PLCXD3: variants seen among roughly 807,000 people sequenced by gnomAD.
PLCXD3 encodes phosphatidylinositol specific phospholipase C X domain containing 3.
In PLCXD3, 19 loss-of-function variants were observed where a neutral mutation model predicts 25.5. The ratio of observed to expected loss-of-function variants is 0.75; its 90% CI spans 0.52 to 1.09. The LOEUF (loss-of-function observed/expected upper bound fraction) is 1.09. PLCXD3 is among the 50% of genes least tolerant of loss of function. The pLI is 0.00. For missense variants in PLCXD3, 411 were observed against 388.1 expected, an observed-to-expected ratio of 1.06 and a Z score of -0.50; for synonymous variants, 174 against 137.6, an observed-to-expected ratio of 1.26 and a Z score of -1.85.
At chr5:41,411,379 T>C (rs1366085596) in intron 1 of PLCXD3, among the ~76,000 whole-genome samples, 1 of 152,226 alleles carries the variant, frequency 6.6e-6, no homozygotes, top group Admixed American at 6.5e-5. Context: ...AATAGCTGGA[T>C]CTTTTCTTTA....
At chr5:41,461,893 A>G (rs910610128) in intron 1 of PLCXD3, among the ~76,000 whole-genome samples, 1 of 151,934 alleles carries the variant, frequency 6.6e-6, no homozygotes, top group African/African-American at 2.4e-5. Context: ...TGTTTCCATT[A>G]AGAGACTCAA....
chr5:41,407,780 T>C (rs558985938), intron 1 of PLCXD3, among the ~76,000 whole-genome samples: 1 of 152,326 alleles, frequency 6.6e-6, no homozygotes, highest in Middle Eastern at 3.4e-3. Context: ...GAACACTAAG[T>C]TTAATCCTTT....
chr5:41,490,375 A>G (rs1748634901), intron 1 of PLCXD3, among the ~76,000 whole-genome samples: 1 of 152,116 alleles, frequency 6.6e-6, no homozygotes, highest in African/African-American at 2.4e-5. Context: ...ATGTTCATCA[A>G]GGATATTGGT....
At chr5:41,485,288 G>A (rs1182485251) in intron 1 of PLCXD3, among the ~76,000 whole-genome samples, 1 of 152,120 alleles carries the variant, frequency 6.6e-6, no homozygotes, top group Non-Finnish European at 1.5e-5. Context: ...CTGTGTCAAT[G>A]CAGATGTTTG....
rs1267159161 is a variant in PLCXD3, at chr5:41,309,819, T to C, written c.*3798A>G. 6.6e-6 allele frequency: 1 copy of C among 152,194 alleles called. No individual in the cohort carries two copies. The highest frequency in any genetic ancestry group is 1.5e-5 in the Non-Finnish European group (1 of 68,014). 9.4% of individuals were successfully genotyped at this position (152,194 alleles called of 1,614,324 possible). A position where few individuals can be genotyped will look rare whatever the true frequency, so the allele number is the denominator to read the frequency against. The stretch of plus-strand genomic sequence containing the variant: ...GTTCGTGCCAGGCATTTTCTATTTC[T>C]GATGGCCTCACTTTTCATTGGTTTT... On this transcript the variant is annotated 3_prime_UTR_variant, in exon 3 of 3. Coordinates refer to ENST00000377801, the MANE Select transcript of PLCXD3 (RefSeq NM_001005473.3).
chr5:41,382,578 T>G, intron 1 of PLCXD3, 44 bp from the exon 2 acceptor site: 1 of 1,457,722 alleles, frequency 6.9e-7, no homozygotes, highest in Non-Finnish European at 9.2e-7. Context: ...TCCACGTCTT[T>G]GCCCTTCCCA....
intron 1 of PLCXD3, among the ~76,000 whole-genome samples, chr5:41,445,214 G>A (rs2150512645): frequency 6.6e-6 from 1 of 152,338 alleles, no homozygotes; most frequent in Non-Finnish European, 1.5e-5. Context: ...TTCATAACAA[G>A]TCTGGTTTAT....
intron 1 of PLCXD3, among the ~76,000 whole-genome samples, chr5:41,437,194 A>G (rs1264582250): frequency 2.0e-5 from 3 of 152,260 alleles, no homozygotes; most frequent in African/African-American, 4.8e-5. Flanking sequence ...GGAGCTTACA[A>G]TCTAAACACA....
At chr5:41,403,406 T>TTTTTA (rs1746253682) in intron 1 of PLCXD3, among the ~76,000 whole-genome samples, 2 of 30,726 alleles carry the variant, frequency 6.5e-5, no homozygotes, top group Non-Finnish European at 1.7e-4. Context: ...TTGTTGTTTT[T>TTTTTA]TTTTTTTTTT....
intron 1 of PLCXD3, among the ~76,000 whole-genome samples, chr5:41,403,411 T>TTGTTTTTGTTTTTG (rs1580353923): frequency 2.6e-5 from 1 of 38,346 alleles, no homozygotes; most frequent in South Asian, 6.9e-4. Flanking sequence ...GTTTTTTTTT[T>TTGTTTTTGTTTTTG]TTTTTATTAT....
At position 41,310,283 on chromosome 5, in the gene PLCXD3, A is replaced by T. The variant is rs868228023; in HGVS notation, c.*3334T>A. 1 of 152,182 alleles carries T rather than the reference A, an allele frequency of 6.6e-6. No individual in the cohort carries two copies. Among genetic ancestry groups the T allele is most frequent in the Admixed American group, 6.6e-5 (1 of 15,264 alleles). 9.4% of individuals were successfully genotyped at this position (152,182 alleles called of 1,614,324 possible). ...ATATTAGTCCTTGAAAATTACAGAC[A>T]GGAAATCAAACTTAAAAATGATCTC... On this transcript the variant is annotated 3_prime_UTR_variant, in exon 3 of 3. Transcript: ENST00000377801.
intron 2 of PLCXD3, among the ~76,000 whole-genome samples, chr5:41,325,331 A>G (rs1016769802): frequency 1.3e-5 from 2 of 152,194 alleles, no homozygotes; most frequent in African/African-American, 2.4e-5. Context: ...TCAAATACTC[A>G]GACAGTCTCA....
chr5:41,481,361 C>CTA (rs1434857674), intron 1 of PLCXD3, among the ~76,000 whole-genome samples: 3 of 152,166 alleles, frequency 2.0e-5, no homozygotes, highest in Non-Finnish European at 4.4e-5. Context: ...GAACATAATG[C>CTA]TATAATACAT....
chr5:41,324,683 C>A (rs1203225717), intron 2 of PLCXD3, among the ~76,000 whole-genome samples: 1 of 152,146 alleles, frequency 6.6e-6, no homozygotes, highest in African/African-American at 2.4e-5. Flanking sequence ...CTGGTTGAAC[C>A]CACAACTTTC....
intron 2 of PLCXD3, among the ~76,000 whole-genome samples, chr5:41,374,194 C>A (rs1365129028): frequency 6.6e-6 from 1 of 152,096 alleles, no homozygotes; most frequent in African/African-American, 2.4e-5. Flanking sequence ...AGCAGTGCTA[C>A]TTGAAGTGGG....
chr5:41,422,489 T>C (rs1198189659), intron 1 of PLCXD3, among the ~76,000 whole-genome samples: 2 of 152,186 alleles, frequency 1.3e-5, no homozygotes, highest in Non-Finnish European at 2.9e-5. Context: ...TTGGCCAATC[T>C]TGGAGTTTCA....
intron 2 of PLCXD3, among the ~76,000 whole-genome samples, chr5:41,356,675 CA>C (rs1213709154): frequency 6.6e-6 from 1 of 152,170 alleles, no homozygotes; most frequent in Non-Finnish European, 1.5e-5. Flanking sequence ...CATATCTGAA[CA>C]AACCTTTTTG....
At chr5:41,371,364 C>A (rs1025053898) in intron 2 of PLCXD3, among the ~76,000 whole-genome samples, 1 of 152,156 alleles carries the variant, frequency 6.6e-6, no homozygotes, top group Admixed American at 6.6e-5. Flanking sequence ...TGGACATAAG[C>A]AATCTCCCAC....
At chr5:41,395,828 A>G (rs1745985544) in intron 1 of PLCXD3, among the ~76,000 whole-genome samples, 1 of 152,130 alleles carries the variant, frequency 6.6e-6, no homozygotes. Flanking sequence ...CTCCCACTAA[A>G]GAAAAGCTTG....
Sources: allele counts gnomAD v4.1 joint callset (sites outside exome capture counted in the v4.1 genomes callset), GRCh38; gene constraint gnomAD v4.1.1; transcripts MANE v1.5; gene names NCBI Gene and HGNC (gene_info 2026-07-23, HGNC 2026-07-21).